Variants in PAX5 observed in about 807,000 individuals in gnomAD.
PAX5 encodes paired box protein Pax-5.
Under a neutral mutation model 43.7 loss-of-function variants are expected in PAX5, and 9 were observed. That is an observed-to-expected ratio of 0.21 (90% CI 0.12 to 0.36). The LOEUF is 0.36. PAX5 is among the 10% of genes least tolerant of loss of function. PAX5 has a pLI of 1.00. For missense variants in PAX5, 383 were observed against 532.7 expected (o/e 0.72, Z 2.77); for synonymous variants, 228 against 214.3 (o/e 1.06, Z -0.56).
rs1351938874 is a variant in PAX5 at position 36,887,840 on chromosome 9, AC to A, written c.911-5736del. On this transcript the variant is annotated intron_variant, in intron 7 of 9. Transcript: ENST00000358127. ...ATACTACCAAGAAAGTGAAAAAATGACCCATAGAATGGGAGAAAATATTTGC... is the reference window on the plus strand; with the variant it reads ...ATACTACCAAGAAAGTGAAAAAATGACCATAGAATGGGAGAAAATATTTGC... Among the ~76,000 whole-genome samples, 4 of 152,348 alleles carry A rather than the reference AC, an allele frequency of 2.6e-5. No homozygotes were observed. In the East Asian group the frequency reaches 7.7e-4, roughly 29 times the overall value.
chr9:36,970,679 T>C (rs1027661504), intron 5 of PAX5, among the ~76,000 whole-genome samples: 1 of 152,048 alleles, frequency 6.6e-6, no homozygotes, highest in Non-Finnish European at 1.5e-5. Flanking sequence ...CAGCCGCAGG[T>C]GATTCACTGT....
chr9:36,970,724 C>T (rs1023204461), intron 5 of PAX5, among the ~76,000 whole-genome samples: 1 of 152,110 alleles, frequency 6.6e-6, no homozygotes. Context: ...CCCATGGACA[C>T]GGGCATTGTT....
In PAX5 at chr9:37,033,894, G is replaced by T. The variant is rs150432925; in HGVS notation, c.46+92C>A. On this transcript the variant is annotated intron_variant, in intron 1 of 9. Coordinates refer to ENST00000358127, the MANE Select transcript of PAX5 (RefSeq NM_016734.3). ...GACAGTCTCTACGAAAATGCGGCGCGCCCCCTCCTCCTCCAGGGTCACCCT... is the reference window on the plus strand; with the variant it reads ...GACAGTCTCTACGAAAATGCGGCGCTCCCCCTCCTCCTCCAGGGTCACCCT... The T allele has an allele frequency of 4.6e-4, 509 of 1,110,486 alleles. 3 individuals carry two copies. The African/African-American group carries it at 7.0e-3, about 15-fold the overall frequency. 68.8% of individuals were successfully genotyped at this position (1,110,486 alleles called of 1,614,324 possible).
chr9:36,933,581 G>A (rs565887329), intron 6 of PAX5, among the ~76,000 whole-genome samples: 28 of 152,290 alleles, frequency 1.8e-4, no homozygotes, highest in South Asian at 4.1e-4. Flanking sequence ...AGTTAGAGTT[G>A]GAGGGGACTT....
chr9:37,021,370 T>C (rs774252545), intron 1 of PAX5, among the ~76,000 whole-genome samples: 13 of 152,128 alleles, frequency 8.5e-5, no homozygotes, highest in Non-Finnish European at 1.8e-4. Flanking sequence ...AAAACAACCA[T>C]TGCCTTGTTT....
At chr9:36,922,054 G>T (rs1166740481) in intron 7 of PAX5, among the ~76,000 whole-genome samples, 1 of 152,194 alleles carries the variant, frequency 6.6e-6, no homozygotes, top group Non-Finnish European at 1.5e-5. Flanking sequence ...AGGTGGATGG[G>T]GGACAAAGTT....
chr9:36,929,297 GA>G (rs1475001922), intron 6 of PAX5, among the ~76,000 whole-genome samples: 2 of 148,420 alleles, frequency 1.3e-5, no homozygotes, highest in Admixed American at 6.7e-5. Context: ...AAGGATGGAT[GA>G]GAGAGAGAGA....
At chr9:36,883,868 C>T (rs1236466429) in intron 7 of PAX5, among the ~76,000 whole-genome samples, 1 of 152,044 alleles carries the variant, frequency 6.6e-6, no homozygotes, top group Admixed American at 6.5e-5. Flanking sequence ...ACACACTCCA[C>T]ATGAATGAAT....
intron 8 of PAX5, among the ~76,000 whole-genome samples, chr9:36,874,275 C>T (rs917840619): frequency 5.9e-5 from 9 of 152,218 alleles, no homozygotes; most frequent in Non-Finnish European, 7.3e-5. Flanking sequence ...AAGCACCCTT[C>T]GCTTCTCTTG....
chr9:36,881,123 G>A (rs1826373893), intron 8 of PAX5, among the ~76,000 whole-genome samples: 1 of 152,148 alleles, frequency 6.6e-6, no homozygotes, highest in Non-Finnish European at 1.5e-5. Flanking sequence ...ATGTTAATTA[G>A]CCTGATTTGA....
At chr9:36,841,083 C>T (rs1822007871) in intron 9 of PAX5, among the ~76,000 whole-genome samples, 2 of 152,320 alleles carry the variant, frequency 1.3e-5, no homozygotes, top group South Asian at 2.1e-4. Flanking sequence ...AAGATAAAAA[C>T]ATGAAAAGCA....
chr9:36,858,019 G>T (rs1587775987), intron 8 of PAX5, among the ~76,000 whole-genome samples: 1 of 152,356 alleles, frequency 6.6e-6, no homozygotes, highest in South Asian at 2.1e-4. Flanking sequence ...CAGCCAGTCA[G>T]TCCTGGCCAA....
intron 8 of PAX5, among the ~76,000 whole-genome samples, chr9:36,862,156 C>T (rs530700750): frequency 2.5e-4 from 38 of 152,222 alleles, no homozygotes; most frequent in South Asian, 1.5e-3. Context: ...CTCTACCTCT[C>T]GCTAAGCCTG....
At chr9:36,940,335 G>A (rs1831944772) in intron 6 of PAX5, among the ~76,000 whole-genome samples, 1 of 152,046 alleles carries the variant, frequency 6.6e-6, no homozygotes, top group Admixed American at 6.5e-5. Flanking sequence ...CATTTCTATC[G>A]CACGCACCTA....
intron 8 of PAX5, 89 bp from the exon 9 acceptor site, chr9:36,847,018 A>G: frequency 1.1e-6 from 1 of 871,284 alleles, no homozygotes. Context: ...CTGGTTGCCA[A>G]TGGCATTTGC....
chr9:36,868,009 T>G, intron 8 of PAX5, among the ~76,000 whole-genome samples: 1 of 148,528 alleles, frequency 6.7e-6, no homozygotes, highest in East Asian at 2.0e-4. Context: ...ACAATGAGAG[T>G]GACAGTCAAG....
intron 6 of PAX5, among the ~76,000 whole-genome samples, chr9:36,958,205 GC>G (rs1833657084): frequency 6.6e-6 from 1 of 152,054 alleles, no homozygotes; most frequent in Non-Finnish European, 1.5e-5. Flanking sequence ...CTACTGCAGG[GC>G]CTCTAAATGT....
intron 6 of PAX5, among the ~76,000 whole-genome samples, chr9:36,956,976 C>T (rs1385816752): frequency 6.6e-6 from 1 of 151,794 alleles, no homozygotes; most frequent in Non-Finnish European, 1.5e-5. Flanking sequence ...GTATTTCTAC[C>T]TCCTCTCCTC....
At chr9:36,948,501 G>A (rs183216470) in intron 6 of PAX5, among the ~76,000 whole-genome samples, 133 of 152,262 alleles carry the variant, frequency 8.7e-4, no homozygotes, top group African/African-American at 3.0e-3. Context: ...GATCCTTACA[G>A]TACAACCCAG....
Sources: allele counts gnomAD v4.1 joint callset (sites outside exome capture counted in the v4.1 genomes callset), GRCh38; gene constraint gnomAD v4.1.1; transcripts MANE v1.5; gene names NCBI Gene and HGNC (gene_info 2026-07-23, HGNC 2026-07-21).